Variants in ZIC4 observed in about 807,000 individuals in gnomAD.
ZIC4 encodes Zic family zinc finger 4.
A neutral mutation model predicts 28.8 loss-of-function variants in ZIC4; 15 were observed. The observed-to-expected ratio is 0.52, with a 90% CI of 0.35 to 0.80. The LOEUF is 0.80. ZIC4 is among the 30% of genes least tolerant of loss of function. ZIC4 has a pLI of 0.01. For missense variants in ZIC4, 512 were observed against 467.1 expected (o/e 1.10, Z -0.89); for synonymous variants, 220 against 198.1 (o/e 1.11, Z -0.93).
In ZIC4 at chr3:147,386,429, T is replaced by C. The variant is rs1411720817; in HGVS notation, c.*2430A>G. 6.5e-6 allele frequency: 1 copy of C among 152,674 alleles called. No individual in the cohort carries two copies. Among genetic ancestry groups the C allele is most frequent in the East Asian group, 1.9e-4 (1 of 5,202 alleles). 9.5% of individuals were successfully genotyped at this position (152,674 alleles called of 1,614,324 possible). Reference sequence around the variant, plus strand: ...TCATTGCAATTATTACATTTTCTCATAAATTAGCAATATAAACAAACATAT... The same window carrying C: ...TCATTGCAATTATTACATTTTCTCACAAATTAGCAATATAAACAAACATAT... On this transcript the variant is annotated 3_prime_UTR_variant, in exon 5 of 5. Transcript: ENST00000383075.
rs537447486 is a variant in ZIC4 at position 147,391,569 on chromosome 3, T to G, written c.689-323A>C. On this transcript the variant is annotated intron_variant, in intron 3 of 4. Coordinates refer to ENST00000383075, the MANE Select transcript of ZIC4 (RefSeq NM_032153.6). ...TCCACTCGGGTTGTTTCCTCCAAAT[T>G]TTCTCCACTTGGAACCAGAAGCACC... is the stretch of plus-strand genomic sequence containing the variant. The G allele has an allele frequency of 1.0e-4, 25 of 247,554 alleles. No homozygotes were observed. In the Admixed American group the frequency reaches 1.1e-3, roughly 10 times the overall value. 15.3% of individuals were successfully genotyped at this position (247,554 alleles called of 1,614,324 possible). A position where few individuals can be genotyped will look rare whatever the true frequency, so the allele number is the denominator to read the frequency against.
In ZIC4 at chr3:147,396,597, C is replaced by T; in HGVS notation, c.71-128G>A. The T allele has an allele frequency of 2.4e-6, 3 of 1,225,104 alleles. 1 individual carries two copies. The South Asian group carries it at 5.7e-5, about 23-fold the overall frequency. 75.9% of individuals were successfully genotyped at this position (1,225,104 alleles called of 1,614,324 possible). On this transcript the variant is annotated intron_variant, in intron 2 of 4. Transcript: ENST00000383075. This position sits in a 1 kb window ranked among gnomAD's most constrained non-coding sequence, Gnocchi z 4.2. ...TGCAGTCAGCCGTGGAACTCAGAGC[C>T]AGACAGCGCCAGCAGTGAACCCGGT...
rs1576460641 is a variant in ZIC4, at chr3:147,396,813, G to T, written c.71-344C>A. The T allele has an allele frequency of 4.3e-6, 1 of 229,908 alleles. No individual in the cohort carries two copies. Among genetic ancestry groups the T allele is most frequent in the East Asian group, 8.6e-5 (1 of 11,574 alleles). 14.2% of individuals were successfully genotyped at this position (229,908 alleles called of 1,614,324 possible). A position where few individuals can be genotyped will look rare whatever the true frequency, so the allele number is the denominator to read the frequency against. On this transcript the variant is annotated intron_variant, in intron 2 of 4. Transcript: ENST00000383075. The surrounding 1 kb of genome is among the most constrained non-coding windows in gnomAD (Gnocchi z 4.2). ...GAGGGGTAGGAGCTGAGCCCCAAGCGCACTTTGGCGGCTAACACCCCGGGG... is the reference window on the plus strand; with the variant it reads ...GAGGGGTAGGAGCTGAGCCCCAAGCTCACTTTGGCGGCTAACACCCCGGGG...
chr3:147,396,035 C>A lies in ZIC4; in HGVS notation c.505G>T (p.Ala169Ser). The change falls in exon 3 of 5, where the codon GCC becomes TCC. Residue 169 changes from alanine (A) to serine (S), a missense_variant. Coordinates refer to ENST00000383075, the MANE Select transcript of ZIC4 (RefSeq NM_032153.6). This position sits in a 1 kb window ranked among gnomAD's most constrained non-coding sequence, Gnocchi z 4.2. ...TCCTCCCAGAAGCAAATGTGGTTGG[C>A]CTGTTCCGGGCCGCCGACGTGCTCC... ...TVEHVGGPEQ[A>S]NHICFWEECP... The A allele has an allele frequency of 6.2e-7, 1 of 1,614,266 alleles. No homozygotes were observed.
At chr3:147,398,992 T>C (rs2107978876) in intron 2 of ZIC4, among the ~76,000 whole-genome samples, 1 of 152,068 alleles carries the variant, frequency 6.6e-6, no homozygotes, top group Admixed American at 6.5e-5. Context: ...GGGATTAACT[T>C]CCACAACAAT....
In ZIC4 at chr3:147,386,950, C is replaced by T. The variant is rs2086807542; in HGVS notation, c.*1909G>A. 6.6e-6 allele frequency: 1 copy of T among 152,188 alleles called. No homozygotes were observed. The allele number at this position is 152,188 out of a possible 1,614,324, so 9.4% of individuals were successfully genotyped here. On this transcript the variant is annotated 3_prime_UTR_variant, in exon 5 of 5. Transcript: ENST00000383075. Reference sequence around the variant, plus strand: ...AAGGAGCAGGAGATATTAACAATTGCTTGGCTGCATTCTTAAGTTCCAAGG... The same window carrying T: ...AAGGAGCAGGAGATATTAACAATTGTTTGGCTGCATTCTTAAGTTCCAAGG...
rs992660817 is a variant in ZIC4, at chr3:147,405,267, C to A, written c.-16+1096G>T. 5.4e-6 allele frequency: 6 copies of A among 1,106,214 alleles called. No individual in the cohort carries two copies. In the African/African-American group the frequency reaches 9.5e-5, roughly 18 times the overall value. 68.5% of individuals were successfully genotyped at this position (1,106,214 alleles called of 1,614,324 possible). ...GGCATTTAGCCCTCCCTTTGAATCA[C>A]CCCTCCCCCAACCTGCAGGCGGCTG... On this transcript the variant is annotated intron_variant, in intron 1 of 4. Coordinates refer to ENST00000383075, the MANE Select transcript of ZIC4 (RefSeq NM_032153.6).
intron 1 of ZIC4, among the ~76,000 whole-genome samples, chr3:147,403,158 G>C (rs533881003): frequency 9.2e-5 from 14 of 152,200 alleles, no homozygotes; most frequent in Non-Finnish European, 1.6e-4. Flanking sequence ...AATTGCGTAA[G>C]AAACCTTATT....
At chr3:147,391,729 AC>A (rs1490618887) in intron 3 of ZIC4, 1 of 82,750 alleles carries the variant, frequency 1.2e-5, no homozygotes, top group African/African-American at 4.6e-5. Context: ...CCCCCCACCC[AC>A]CCCCATCCTG....
intron 1 of ZIC4, chr3:147,405,539 C>T: frequency 1.4e-6 from 2 of 1,478,496 alleles, no homozygotes; most frequent in Non-Finnish European, 9.1e-7. Flanking sequence ...GCTCTATTCC[C>T]TCCTCATTGG....
chr3:147,396,552 C>A lies in ZIC4; in HGVS notation c.71-83G>T. 1 of 1,438,802 alleles carries A rather than the reference C, an allele frequency of 7.0e-7. No homozygotes were observed. Among genetic ancestry groups the A allele is most frequent in the Non-Finnish European group, 9.1e-7 (1 of 1,095,806 alleles). 89.1% of individuals were successfully genotyped at this position (1,438,802 alleles called of 1,614,324 possible). ...CCTGGGCCCCGGGGGGCAGGCCCAG[C>A]CCTGCCGCACTACGGCCTCTGCAGT... On this transcript the variant is annotated intron_variant, in intron 2 of 4. Transcript: ENST00000383075. This position sits in a 1 kb window ranked among gnomAD's most constrained non-coding sequence, Gnocchi z 4.2.
At position 147,396,178 on chromosome 3, in the gene ZIC4, C is replaced by T. The variant is rs772620883; in HGVS notation, c.362G>A (p.Arg121His). The T allele has an allele frequency of 4.3e-6, 7 of 1,614,052 alleles. No homozygotes were observed. In the Admixed American group the frequency reaches 1.0e-4, roughly 23 times the overall value. Residue 121 changes from arginine (R) to histidine (H), a missense_variant, in exon 3 of 5, where the codon CGC becomes CAC. By Grantham distance (29) the Arg-to-His change is conservative. Transcript: ENST00000383075. This position sits in a 1 kb window ranked among gnomAD's most constrained non-coding sequence, Gnocchi z 4.2. ...GATGAGCTCCTGTTTGATGGGCTGG[C>T]GCATGTAGCGGAAGAAAGCGCCAGG... ...HGPGAFFRYM[R>H]QPIKQELICK...
intron 4 of ZIC4, chr3:147,389,173 C>T (rs2086856465): frequency 2.4e-6 from 1 of 419,526 alleles, no homozygotes; most frequent in African/African-American, 2.0e-5. Context: ...TTTCAGTCCC[C>T]CTTTCTCAAG....
In ZIC4 at chr3:147,395,593, T is replaced by A. The variant is rs562160884; in HGVS notation, c.688+259A>T. 2.0e-5 allele frequency among the ~76,000 whole-genome samples: 3 copies of A among 152,314 alleles called. No homozygotes were observed. The South Asian group carries it at 6.2e-4, about 32-fold the overall frequency. On this transcript the variant is annotated intron_variant, in intron 3 of 4. Coordinates refer to ENST00000383075, the MANE Select transcript of ZIC4 (RefSeq NM_032153.6). ...AAACTCTTAAGCAGAGAGCACATGT[T>A]TGCACACACAGGGTCTTAGGCACGT...
At chr3:147,390,157 G>T (rs2086883182) in intron 4 of ZIC4, among the ~76,000 whole-genome samples, 1 of 152,190 alleles carries the variant, frequency 6.6e-6, no homozygotes, top group Admixed American at 6.5e-5. Context: ...CTCCATAGGG[G>T]TGGAAGCGTC....
intron 2 of ZIC4, chr3:147,397,187 A>T (rs1216481883): frequency 6.6e-6 from 1 of 151,926 alleles, no homozygotes; most frequent in East Asian, 1.9e-4. Context: ...CTACAGAAGT[A>T]GCAGCAGGGC....
chr3:147,392,118 C>G (rs1482613579), intron 3 of ZIC4: 1 of 985,644 alleles, frequency 1.0e-6, no homozygotes, highest in Non-Finnish European at 1.2e-6. Context: ...CCAGACCACC[C>G]CCACCTGGCT....
Position 147,396,133 on chromosome 3 carries a change from T to C in ZIC4, c.407A>G (p.Asp136Gly). The change falls in exon 3 of 5, where the codon GAC (aspartate) becomes GGC (glycine). Residue 136 changes from aspartate (D) to glycine (G), a missense_variant. By Grantham distance (94) the Asp-to-Gly change is moderately conservative. This residue lies in a region of ZIC4 where 310 missense variants were observed against 256.5 expected (regional missense o/e 1.21). Transcript: ENST00000383075. This position sits in a 1 kb window ranked among gnomAD's most constrained non-coding sequence, Gnocchi z 4.2. ...GCAGAGGCTCGGGGTCGCGGTGCCGTCGGCCGCCAGCCACTTGCAGATGAG... is the reference window on the plus strand; with the variant it reads ...GCAGAGGCTCGGGGTCGCGGTGCCGCCGGCCGCCAGCCACTTGCAGATGAG... Reference protein sequence around the residue: ...QELICKWLAADGTATPSLCSK... With the variant: ...QELICKWLAAGGTATPSLCSK... 1 of 1,612,538 alleles carries C rather than the reference T, an allele frequency of 6.2e-7. No homozygotes were observed. The highest frequency in any genetic ancestry group is 1.1e-5 in the South Asian group (1 of 91,078).
intron 3 of ZIC4, 172 bp from the exon 4 acceptor site, chr3:147,391,418 C>G: frequency 1.3e-6 from 1 of 770,070 alleles, no homozygotes; most frequent in Non-Finnish European, 2.0e-6. Flanking sequence ...GCAGAGAGCG[C>G]CCCCGGTGCC....
Sources: allele counts gnomAD v4.1 joint callset (sites outside exome capture counted in the v4.1 genomes callset), GRCh38; gene constraint gnomAD v4.1.1; regional missense constraint gnomAD v4.1.1; non-coding constraint Gnocchi (gnomAD v3.1); transcripts MANE v1.5; gene names NCBI Gene and HGNC (gene_info 2026-07-23, HGNC 2026-07-21).